ARHGAP35: variants seen among roughly 807,000 people sequenced by gnomAD.
ARHGAP35 encodes rho GTPase-activating protein 35.
ARHGAP35 carries 15 observed loss-of-function variants against 111.1 expected under a neutral mutation model. That is an observed-to-expected ratio of 0.13 (90% confidence interval 0.09 to 0.21). The LOEUF (loss-of-function observed/expected upper bound fraction) is 0.21, where lower values mean the gene tolerates loss of function less well. ARHGAP35 is among the 10% of genes least tolerant of loss of function. The probability of loss-of-function intolerance (pLI) is 1.00; values close to 1 mark genes in which losing one functional copy is unlikely to be tolerated. For missense variants in ARHGAP35, 1,262 were observed against 1,873.0 expected (o/e 0.67, Z 6.02); for synonymous variants, 643 against 710.3 (o/e 0.91, Z 1.51).
intron 2 of ARHGAP35, among the ~76,000 whole-genome samples, chr19:46,923,073 A>T (rs1390506127): frequency 1.3e-5 from 2 of 151,012 alleles, no homozygotes; most frequent in Non-Finnish European, 2.9e-5. Context: ...CCTACTCGTC[A>T]TATGTAGAGA....
chr19:46,970,546 T>A (rs1392556698), intron 3 of ARHGAP35, among the ~76,000 whole-genome samples: 1 of 152,180 alleles, frequency 6.6e-6, no homozygotes, highest in African/African-American at 2.4e-5. Flanking sequence ...ACACTTGCCC[T>A]GTGGATGGTG....
At chr19:46,925,626 C>T (rs1182379086) in intron 2 of ARHGAP35, among the ~76,000 whole-genome samples, 1 of 152,122 alleles carries the variant, frequency 6.6e-6, no homozygotes, top group Non-Finnish European at 1.5e-5. Context: ...AAATAGGTGG[C>T]CTGCCCAGGG....
chr19:46,980,609 C>T (rs1267261407), intron 3 of ARHGAP35, among the ~76,000 whole-genome samples: 1 of 152,212 alleles, frequency 6.6e-6, no homozygotes, highest in African/African-American at 2.4e-5. Flanking sequence ...TTTGGCCACG[C>T]TCTCAGAATA....
At chr19:46,932,265 G>C (rs1374405357) in intron 2 of ARHGAP35, among the ~76,000 whole-genome samples, 3 of 152,220 alleles carry the variant, frequency 2.0e-5, no homozygotes, top group South Asian at 4.1e-4. Context: ...TTGGGTGACG[G>C]AGTAAGACTC....
At chr19:46,978,941 C>CTG (rs1215062613) in intron 3 of ARHGAP35, among the ~76,000 whole-genome samples, 1 of 42,506 alleles carries the variant, frequency 2.4e-5, no homozygotes, top group African/African-American at 9.5e-5. Context: ...GTGTGGTGGG[C>CTG]TGTGTGTGTG....
intron 3 of ARHGAP35, among the ~76,000 whole-genome samples, chr19:46,953,716 G>A (rs750641031): frequency 3.9e-5 from 6 of 152,136 alleles, no homozygotes; most frequent in Non-Finnish European, 8.8e-5. Context: ...ACTTGAAAGG[G>A]TAGAGTAGCA....
At chr19:46,912,529 A>AT (rs1036859805) in intron 1 of ARHGAP35, among the ~76,000 whole-genome samples, 7 of 149,828 alleles carry the variant, frequency 4.7e-5, no homozygotes, top group East Asian at 2.0e-4. Flanking sequence ...AATTTTTTGT[A>AT]TTTTTTTTAG....
intron 2 of ARHGAP35, among the ~76,000 whole-genome samples, chr19:46,936,957 A>G (rs1599832782): frequency 6.7e-6 from 1 of 150,162 alleles, no homozygotes; most frequent in East Asian, 2.0e-4. Context: ...CTCCTGCCTC[A>G]GCCTCCCAAG....
chr19:46,982,784 C>T (rs1446603557), intron 3 of ARHGAP35, among the ~76,000 whole-genome samples: 2 of 151,938 alleles, frequency 1.3e-5, no homozygotes, highest in Non-Finnish European at 2.9e-5. Context: ...ATGGCCCACA[C>T]CCAGAATCCC....
intron 3 of ARHGAP35, among the ~76,000 whole-genome samples, chr19:46,963,848 ATTATT>A (rs1382489479): frequency 4.6e-5 from 7 of 152,026 alleles, no homozygotes; most frequent in African/African-American, 1.7e-4. Context: ...CAGAGATGAG[ATTATT>A]TTATTTATTT....
intron 3 of ARHGAP35, among the ~76,000 whole-genome samples, chr19:46,973,681 A>G (rs186279874): frequency 5.3e-5 from 8 of 150,528 alleles, no homozygotes; most frequent in African/African-American, 2.0e-4. Flanking sequence ...ACAGAGCGAG[A>G]CTCCATCTCA....
chr19:46,916,042 C>T (rs1471911767), intron 1 of ARHGAP35, among the ~76,000 whole-genome samples: 1 of 149,652 alleles, frequency 6.7e-6, no homozygotes, highest in African/African-American at 2.5e-5. Context: ...TCACTCCATT[C>T]TCCTGTCTCA....
rs755567655 is a variant in ARHGAP35, at chr19:46,946,052, A to AT, written c.3826+8645dup. Among the ~76,000 whole-genome samples the AT allele has an allele frequency of 5.9e-5, 9 of 152,344 alleles. No individual in the cohort carries two copies. In the East Asian group the frequency reaches 1.7e-3, roughly 29 times the overall value. On this transcript the variant is annotated intron_variant, in intron 3 of 6. Coordinates refer to ENST00000672722, the MANE Select transcript of ARHGAP35 (RefSeq NM_004491.5). ...AGTTATGATGTATTCAAACTATTCT[A>AT]TATAAATAACTGCCAGGACACAGTT...
Position 46,920,070 on chromosome 19 carries a change from C to T in ARHGAP35, c.1395C>T (p.Tyr465=). Residue 465 remains tyrosine, a synonymous_variant, in exon 2 of 7, where the codon TAC becomes TAT. Coordinates refer to ENST00000672722, the MANE Select transcript of ARHGAP35 (RefSeq NM_004491.5). This position sits in a 1 kb window ranked among gnomAD's most constrained non-coding sequence, Gnocchi z 7.0. ...ARSFIMNEDF[Y]QWLEESVYMD... is the part of the protein sequence containing the mutation. Reference sequence around the variant, plus strand: ...GTTTTATTATGAATGAGGATTTCTACCAGTGGCTGGAGGAATCTGTATACA... The same window carrying T: ...GTTTTATTATGAATGAGGATTTCTATCAGTGGCTGGAGGAATCTGTATACA... The T allele has an allele frequency of 5.0e-6, 8 of 1,613,582 alleles. No homozygotes were observed. Among genetic ancestry groups the T allele is most frequent in the Non-Finnish European group, 6.8e-6 (8 of 1,179,782 alleles).
chr19:46,936,713 T>G (rs1273638689), intron 2 of ARHGAP35, among the ~76,000 whole-genome samples: 1 of 152,170 alleles, frequency 6.6e-6, no homozygotes, highest in Non-Finnish European at 1.5e-5. Context: ...TATAAACATC[T>G]TTGTTCTAAT....
At position 46,919,904 on chromosome 19, in the gene ARHGAP35, T is replaced by C; in HGVS notation, c.1229T>C (p.Val410Ala). The C allele has an allele frequency of 6.2e-7, 1 of 1,613,812 alleles. No homozygotes were observed. ...ATTCCCTTTGATTTAATGGATACCG[T>C]CCCTGCAGAGCAGCTATACGAGGCC... is the stretch of plus-strand genomic sequence containing the variant. ...ERIPFDLMDTVPAEQLYEAHL... is the reference protein window; with the variant it reads ...ERIPFDLMDTAPAEQLYEAHL... Residue 410 changes from valine (V) to alanine (A), a missense_variant, in exon 2 of 7, where the codon GTC becomes GCC. Around this residue, in one of 8 missense-constraint regions of ARHGAP35, gnomAD observed 328 missense variants for 440.8 expected, o/e 0.74. Transcript: ENST00000672722. The surrounding 1 kb of genome is among the most constrained non-coding windows in gnomAD (Gnocchi z 6.2).
intron 1 of ARHGAP35, among the ~76,000 whole-genome samples, chr19:46,873,757 T>C (rs1477770015): frequency 1.3e-5 from 2 of 152,152 alleles, no homozygotes; most frequent in Non-Finnish European, 2.9e-5. Flanking sequence ...CTTTTTTTTT[T>C]TCTTTTTTGA....
rs1396462085 is a variant in ARHGAP35 at position 46,973,583 on chromosome 19, C to T, written c.3827-14406C>T. On this transcript the variant is annotated intron_variant, in intron 3 of 6. Coordinates refer to ENST00000672722, the MANE Select transcript of ARHGAP35 (RefSeq NM_004491.5). ...CGGGGCGCCTGTAGTCCCAGCTACT[C>T]GGGAGGCTGAGGCAGGAGAATGGCG... Among the ~76,000 whole-genome samples the T allele has an allele frequency of 4.0e-5, 6 of 151,744 alleles. No individual in the cohort carries two copies. The East Asian group carries it at 7.8e-4, about 20-fold the overall frequency.
At chr19:46,929,100 G>T (rs976266045) in intron 2 of ARHGAP35, among the ~76,000 whole-genome samples, 1 of 152,128 alleles carries the variant, frequency 6.6e-6, no homozygotes, top group Non-Finnish European at 1.5e-5. Flanking sequence ...ACTGAGTCAT[G>T]GTATTAACTG....
Sources: allele counts gnomAD v4.1 joint callset (sites outside exome capture counted in the v4.1 genomes callset), GRCh38; gene constraint gnomAD v4.1.1; regional missense constraint gnomAD v4.1.1; non-coding constraint Gnocchi (gnomAD v3.1); transcripts MANE v1.5; gene names NCBI Gene and HGNC (gene_info 2026-07-23, HGNC 2026-07-21).